The following TNFAIP6 variants were observed in gnomAD, a reference collection of about 807,000 sequenced individuals.
TNFAIP6 encodes the protein tumor necrosis factor-inducible gene 6 protein.
A neutral mutation model predicts 33.7 loss-of-function variants in TNFAIP6; 36 were observed. The observed-to-expected ratio is 1.07, with a 90% confidence interval of 0.82 to 1.41. The LOEUF is 1.41. Ranked by LOEUF, TNFAIP6 falls within the 40% of genes most tolerant of loss-of-function variation. The pLI is 0.00. For missense variants in TNFAIP6, 273 were observed against 331.9 expected, an observed-to-expected ratio of 0.82 and a Z score of 1.38; for synonymous variants, 113 against 112.8, an observed-to-expected ratio of 1.00 and a Z score of -0.01.
chr2:151,366,719 C>A (rs1039894793), intron 3 of TNFAIP6, among the ~76,000 whole-genome samples: 2 of 152,120 alleles, frequency 1.3e-5, no homozygotes, highest in Admixed American at 6.5e-5. Flanking sequence ...CAAATAAATT[C>A]TTTCCTTAAT....
chr2:151,372,221 A>C (rs1047426915), intron 4 of TNFAIP6: 3 of 152,202 alleles, frequency 2.0e-5, no homozygotes, highest in African/African-American at 7.2e-5. Flanking sequence ...CGTGCTGAGA[A>C]TTGGGAAGGA....
intron 1 of TNFAIP6, among the ~76,000 whole-genome samples, chr2:151,361,526 A>C (rs1339356686): frequency 6.6e-6 from 1 of 152,166 alleles, no homozygotes; most frequent in Non-Finnish European, 1.5e-5. Context: ...TTCTTAGGAA[A>C]TATAATTTTT....
At chr2:151,365,547 G>C (rs565026932) in intron 2 of TNFAIP6, among the ~76,000 whole-genome samples, 1 of 152,026 alleles carries the variant, frequency 6.6e-6, no homozygotes, top group African/African-American at 2.4e-5. Context: ...GCTGAGGCAG[G>C]AGAATTGCTT....
chr2:151,361,402 C>T (rs72858673), intron 1 of TNFAIP6, among the ~76,000 whole-genome samples: 2,535 of 152,212 alleles, frequency 0.017, 34 homozygotes, highest in Middle Eastern at 0.058. Flanking sequence ...TTTCCGTATA[C>T]ATCACATTTT....
chr2:151,371,939 T>C (rs1047823217), intron 4 of TNFAIP6: 3 of 152,230 alleles, frequency 2.0e-5, no homozygotes, highest in African/African-American at 7.2e-5. Context: ...AGAGAAAAGA[T>C]AGTTTATAAA....
At chr2:151,358,891 C>G (rs1684578162) in intron 1 of TNFAIP6, among the ~76,000 whole-genome samples, 1 of 152,068 alleles carries the variant, frequency 6.6e-6, no homozygotes, top group African/African-American at 2.4e-5. Context: ...TAGTTGAATA[C>G]AGTCAAATAT....
At chr2:151,367,167 C>A (rs998845795) in intron 3 of TNFAIP6, among the ~76,000 whole-genome samples, 1 of 152,090 alleles carries the variant, frequency 6.6e-6, no homozygotes, top group African/African-American at 2.4e-5. Flanking sequence ...AATAGTTTCT[C>A]ATGTCTGTAA....
At chr2:151,366,336 A>C in intron 3 of TNFAIP6, 119 bp downstream of exon 3, 1 of 827,172 alleles carries the variant, frequency 1.2e-6, no homozygotes, top group South Asian at 1.8e-5. Flanking sequence ...AATAACTACT[A>C]CTAATAACTA....
intron 3 of TNFAIP6, among the ~76,000 whole-genome samples, chr2:151,366,589 T>TA: frequency 6.6e-6 from 1 of 151,916 alleles, no homozygotes; most frequent in Non-Finnish European, 1.5e-5. Flanking sequence ...AAAAAGAAAA[T>TA]AAAAAAGCAG....
At chr2:151,368,178 T>A (rs949010543) in intron 3 of TNFAIP6, among the ~76,000 whole-genome samples, 1 of 151,894 alleles carries the variant, frequency 6.6e-6, no homozygotes, top group African/African-American at 2.4e-5. Context: ...GCTTATGGGT[T>A]GCATAACATC....
At chr2:151,359,545 C>T (rs976709396) in intron 1 of TNFAIP6, among the ~76,000 whole-genome samples, 25 of 152,150 alleles carry the variant, frequency 1.6e-4, no homozygotes, top group Admixed American at 7.9e-4. Flanking sequence ...CCCGCCACCA[C>T]GCCTGGCTAA....
intron 4 of TNFAIP6, among the ~76,000 whole-genome samples, chr2:151,372,810 C>A (rs755256389): frequency 1.3e-5 from 2 of 151,982 alleles, no homozygotes; most frequent in South Asian, 4.1e-4. Context: ...ATCCCAGCTA[C>A]TCGGGAGCCT....
At position 151,357,769 on chromosome 2, in the gene TNFAIP6, C is replaced by G. The variant is rs1368911005; in HGVS notation, c.94+9C>G. On this transcript the variant is annotated intron_variant, in intron 1 of 5. Transcript: ENST00000243347. ...TAACTCCATATGGCTTGGTAAGAAC[C>G]TTCACTCATGAGCCTCTTGTTGAGA... is the stretch of plus-strand genomic sequence containing the variant. 6.5e-7 allele frequency: 1 copy of G among 1,534,326 alleles called. No individual in the cohort carries two copies. Among genetic ancestry groups the G allele is most frequent in the African/African-American group, 1.4e-5 (1 of 73,140 alleles).
chr2:151,362,001 A>G (rs934192313), intron 1 of TNFAIP6, among the ~76,000 whole-genome samples: 4 of 152,200 alleles, frequency 2.6e-5, no homozygotes, highest in Admixed American at 6.5e-5. Flanking sequence ...GTGGAAAACA[A>G]AGAACTATAT....
intron 5 of TNFAIP6, among the ~76,000 whole-genome samples, chr2:151,377,937 A>C (rs187355980): frequency 1.3e-5 from 2 of 152,200 alleles, no homozygotes; most frequent in Non-Finnish European, 2.9e-5. Flanking sequence ...CAAGCTACTT[A>C]GTAGTCACTC....
rs899943634 is a variant in TNFAIP6, at chr2:151,370,052, A to C, written c.427A>C (p.Lys143Gln). 1.7e-5 allele frequency: 28 copies of C among 1,613,912 alleles called. No homozygotes were observed. The highest frequency in any genetic ancestry group is 1.5e-4 in the Admixed American group (9 of 59,992). The change falls in exon 4 of 6, where the codon AAG becomes CAG. Residue 143 changes from lysine (K) to glutamine (Q), a missense_variant. Coordinates refer to ENST00000243347, the MANE Select transcript of TNFAIP6 (RefSeq NM_007115.4). Reference protein sequence around the residue: ...KECGGVFTDPKQIFKSPGFPN... With the variant: ...KECGGVFTDPQQIFKSPGFPN... ...GTGTGGTGGCGTCTTTACAGATCCA[A>C]AGCAAATTTTTAAATCTCCAGGCTT...
rs760980529 is a variant in TNFAIP6, at chr2:151,370,039, C to A, written c.414C>A (p.Val138=). ...YNPHAKECGG[V]FTDPKQIFKS... ...TTTCAGCAAAGGAGTGTGGTGGCGT[C>A]TTTACAGATCCAAAGCAAATTTTTA... Residue 138 remains valine (V), a synonymous_variant, in exon 4 of 6, where the codon GTC becomes GTA. Transcript: ENST00000243347. 1.9e-6 allele frequency: 3 copies of A among 1,613,616 alleles called. No homozygotes were observed. Among genetic ancestry groups the A allele is most frequent in the East Asian group, 4.5e-5 (2 of 44,872 alleles).
Position 151,364,085 on chromosome 2 carries a change from C to G in TNFAIP6, c.232+5C>G. The G allele has an allele frequency of 6.2e-7, 1 of 1,612,986 alleles. No individual in the cohort carries two copies. Among genetic ancestry groups the G allele is most frequent in the Non-Finnish European group, 8.5e-7 (1 of 1,179,706 alleles). On this transcript the variant is annotated splice_donor_5th_base_variant and intron_variant, in intron 2 of 5. Coordinates refer to ENST00000243347, the MANE Select transcript of TNFAIP6 (RefSeq NM_007115.4). Reference sequence around the variant, plus strand: ...TAGAGGCAGCCAGAAAAATTGGTAACTGATTTCACAATGATTTTTCTTCTT... The same window carrying G: ...TAGAGGCAGCCAGAAAAATTGGTAAGTGATTTCACAATGATTTTTCTTCTT...
chr2:151,377,953 C>T (rs1407202240), intron 5 of TNFAIP6, among the ~76,000 whole-genome samples: 1 of 152,158 alleles, frequency 6.6e-6, no homozygotes, highest in Non-Finnish European at 1.5e-5. Context: ...CACTCTGTGC[C>T]TCAGTTTCTT....
Sources: gnomAD v4.1 joint callset for allele counts (sites outside exome capture counted in the v4.1 genomes callset) on GRCh38, gnomAD v4.1.1 for gene constraint, MANE v1.5 for transcripts, NCBI Gene and HGNC (gene_info 2026-07-23, HGNC 2026-07-21) for gene names.